The following RPUSD2 variants were observed in gnomAD, a reference collection of about 807,000 sequenced individuals.
RPUSD2 encodes the protein pseudouridylate synthase RPUSD2.
In RPUSD2, 31 loss-of-function variants were observed where a neutral mutation model predicts 41.5. The observed-to-expected ratio is 0.75, with a 90% CI of 0.56 to 1.01. RPUSD2 has a LOEUF of 1.01. RPUSD2 is among the 50% of genes least tolerant of loss of function. The probability of loss-of-function intolerance (pLI) is 0.00; values close to 1 mark genes in which losing one functional copy is unlikely to be tolerated. For synonymous variants in RPUSD2, 305 were observed against 289.7 expected (o/e 1.05, Z -0.54); for missense variants, 749 against 724.7 (o/e 1.03, Z -0.38).
chr15:40,574,355 A>C lies in RPUSD2; in HGVS notation c.*94A>C. 6.9e-7 allele frequency: 1 copy of C among 1,457,912 alleles called. No homozygotes were observed. The highest frequency in any genetic ancestry group is 9.2e-7 in the Non-Finnish European group (1 of 1,090,826). The allele number at this position is 1,457,912 out of a possible 1,614,324, so 90.3% of individuals were successfully genotyped here. A position where few individuals can be genotyped will look rare whatever the true frequency, so the allele number is the denominator to read the frequency against. ...CCATGGGCTAGTACTTGGGGTTTCT[A>C]TAGGAATGAGGACGGGCTTCTAAAG... On this transcript the variant is annotated 3_prime_UTR_variant, in exon 3 of 3. Coordinates refer to ENST00000315616, the MANE Select transcript of RPUSD2 (RefSeq NM_152260.3).
rs554986069 is a variant in RPUSD2, at chr15:40,570,996, AT to A, written c.607-594del. ...TAAAAAAATTTTACCTTGATTATTT[AT>A]TTTTTTTTTTTTTGAGACAGAGTCT... On this transcript the variant is annotated intron_variant, in intron 1 of 2. Coordinates refer to ENST00000315616, the MANE Select transcript of RPUSD2 (RefSeq NM_152260.3). Among the ~76,000 whole-genome samples the A allele has an allele frequency of 3.2e-3, 455 of 141,118 alleles. 1 individual carries two copies. Among genetic ancestry groups the A allele is most frequent in the Middle Eastern group, 3.7e-3 (1 of 272 alleles). The allele number at this position is 141,118 out of a possible 152,430, so 92.6% of individuals were successfully genotyped here. A position where few individuals can be genotyped will look rare whatever the true frequency, so the allele number is the denominator to read the frequency against.
In RPUSD2 at chr15:40,573,953, G is replaced by A. The variant is rs1399192167; in HGVS notation, c.1330G>A (p.Ala444Thr). The A allele has an allele frequency of 6.2e-7, 1 of 1,614,086 alleles. No individual in the cohort carries two copies. Residue 444 changes from alanine to threonine, a missense_variant, in exon 3 of 3, where the codon GCC (alanine) becomes ACC (threonine). Coordinates refer to ENST00000315616, the MANE Select transcript of RPUSD2 (RefSeq NM_152260.3). The part of the protein sequence containing the change: ...DLSPGLTDST[A>T]PSSELGKDDL... ...GTCCCCAGGACTCACAGACTCTACG[G>A]CCCCCTCCTCAGAGTTGGGCAAGGA...
chr15:40,569,415 G>A lies in RPUSD2; in HGVS notation c.78G>A (p.Arg26=). 1 of 1,550,422 alleles carries A rather than the reference G, an allele frequency of 6.4e-7. No individual in the cohort carries two copies. Among genetic ancestry groups the A allele is most frequent in the Non-Finnish European group, 8.7e-7 (1 of 1,154,386 alleles). Residue 26 remains arginine (R), a synonymous_variant, in exon 1 of 3, where the codon AGG becomes AGA. Coordinates refer to ENST00000315616, the MANE Select transcript of RPUSD2 (RefSeq NM_152260.3). ...RYDLRRPSFT[R]TWSGDKGPMA... ...ACCTTAGGCGCCCTAGCTTTACCAG[G>A]ACTTGGAGTGGCGATAAGGGCCCAA... is the stretch of plus-strand genomic sequence containing the variant.
intron 2 of RPUSD2, among the ~76,000 whole-genome samples, 180 bp downstream of exon 2, chr15:40,572,080 A>G (rs1047343818): frequency 1.3e-5 from 2 of 152,184 alleles, no homozygotes; most frequent in African/African-American, 4.8e-5. Flanking sequence ...ATATGTTTCC[A>G]AAAAAATCTT....
chr15:40,571,207 G>A (rs1891130809), intron 1 of RPUSD2, among the ~76,000 whole-genome samples: 1 of 152,074 alleles, frequency 6.6e-6, no homozygotes, highest in Non-Finnish European at 1.5e-5. Flanking sequence ...AGCCAGGATG[G>A]TCTTGATCTC....
At position 40,573,793 on chromosome 15, in the gene RPUSD2, C is replaced by T. The variant is rs192185271; in HGVS notation, c.1170C>T (p.Asn390=). 3.9e-5 allele frequency: 63 copies of T among 1,614,246 alleles called. No individual in the cohort carries two copies. The Admixed American group carries it at 6.5e-4, about 17-fold the overall frequency. Residue 390 remains asparagine (N), a synonymous_variant, in exon 3 of 3, where the codon AAC becomes AAT. Coordinates refer to ENST00000315616, the MANE Select transcript of RPUSD2 (RefSeq NM_152260.3). The part of the protein sequence containing the change: ...GHPILNDPIY[N]SVAWGPSRGR... ...CCATTCTCAACGACCCCATCTACAA[C>T]TCAGTTGCCTGGGGTCCTTCTCGAG...
In RPUSD2 at chr15:40,569,649, C is replaced by CGCAACCAGGGAGCGTGTCGT. The variant is rs1891092043; in HGVS notation, c.315_334dup (p.Pro112GlnfsTer17). On this transcript the variant is annotated frameshift_variant, in exon 1 of 3. Transcript: ENST00000315616. LOFTEE classifies it high-confidence loss of function. ...CGGGCAAGCATAAGAAGCGGCGGGG[C>CGCAACCAGGGAGCGTGTCGT]GCAACCAGGGAGCGTGTCGTGCCGC... The CGCAACCAGGGAGCGTGTCGT allele has an allele frequency of 6.5e-7, 1 of 1,538,504 alleles. No homozygotes were observed.
At chr15:40,570,241 C>T (rs1367144687) in intron 1 of RPUSD2, among the ~76,000 whole-genome samples, 4 of 152,298 alleles carry the variant, frequency 2.6e-5, no homozygotes, top group Middle Eastern at 3.4e-3. Flanking sequence ...CGTCTTGTGG[C>T]AAGGGCACTG....
chr15:40,569,623 C>G lies in RPUSD2; in HGVS notation c.286C>G (p.Pro96Ala), dbSNP rs759095014. The G allele has an allele frequency of 6.5e-7, 1 of 1,538,904 alleles. No individual in the cohort carries two copies. The highest frequency in any genetic ancestry group is 1.4e-5 in the African/African-American group (1 of 73,634). Residue 96 changes from proline (P) to alanine (A), a missense_variant, in exon 1 of 3, where the codon CCG (proline) becomes GCG (alanine). By Grantham distance (27) the Pro-to-Ala change is conservative (BLOSUM62 -1). Coordinates refer to ENST00000315616, the MANE Select transcript of RPUSD2 (RefSeq NM_152260.3). ...GEHPSAAAPG[P>A]GKHKKRRGAT... ...GCATCCCTCGGCTGCAGCCCCAGGC[C>G]CGGGCAAGCATAAGAAGCGGCGGGG...
intron 2 of RPUSD2, among the ~76,000 whole-genome samples, chr15:40,572,514 C>T (rs1166156286): frequency 6.6e-6 from 1 of 150,598 alleles, no homozygotes; most frequent in Non-Finnish European, 1.5e-5. Flanking sequence ...TGCAGTGAGC[C>T]GAATCGCGCC....
intron 1 of RPUSD2, among the ~76,000 whole-genome samples, chr15:40,571,056 G>A (rs968518281): frequency 4.0e-5 from 6 of 151,508 alleles, no homozygotes; most frequent in Non-Finnish European, 5.9e-5. Context: ...GTAGTGGCGC[G>A]ATCTCGGCTC....
intron 1 of RPUSD2, among the ~76,000 whole-genome samples, chr15:40,570,625 T>C (rs1891115992): frequency 6.6e-6 from 1 of 152,238 alleles, no homozygotes; most frequent in Admixed American, 6.5e-5. Flanking sequence ...ACTGTTTACC[T>C]CTCAGTAACA....
intron 1 of RPUSD2, among the ~76,000 whole-genome samples, chr15:40,570,537 A>G (rs1342312655): frequency 6.6e-6 from 1 of 152,184 alleles, no homozygotes; most frequent in African/African-American, 2.4e-5. Context: ...AGAGACTAGA[A>G]TTGTTTAGCC....
rs751928558 is a variant in RPUSD2 at position 40,571,819 on chromosome 15, C to T, written c.822C>T (p.Asp274=). The T allele has an allele frequency of 1.2e-6, 2 of 1,614,254 alleles. No individual in the cohort carries two copies. Among genetic ancestry groups the T allele is most frequent in the East Asian group, 4.5e-5 (2 of 44,894 alleles). The change falls in exon 2 of 3, where the codon GAC becomes GAT. Residue 274 remains aspartate (D), a synonymous_variant. Coordinates refer to ENST00000315616, the MANE Select transcript of RPUSD2 (RefSeq NM_152260.3). The part of the protein sequence containing the change: ...LKELHPLHRL[D]RLTSGVLMFA... ...AGCTACACCCCTTGCATCGGCTTGACCGCCTTACCTCAGGGGTGCTTATGT... is the reference window on the plus strand; with the variant it reads ...AGCTACACCCCTTGCATCGGCTTGATCGCCTTACCTCAGGGGTGCTTATGT...
chr15:40,572,412 A>G (rs1041040535), intron 2 of RPUSD2, among the ~76,000 whole-genome samples: 1 of 151,992 alleles, frequency 6.6e-6, no homozygotes, highest in Admixed American at 6.6e-5. Flanking sequence ...AAAAAATACA[A>G]AAAATTAGCT....
At chr15:40,570,887 G>C (rs947480106) in intron 1 of RPUSD2, among the ~76,000 whole-genome samples, 3 of 152,118 alleles carry the variant, frequency 2.0e-5, no homozygotes, top group Admixed American at 6.6e-5. Flanking sequence ...TCCTGGTCTA[G>C]AGCCCATATC....
chr15:40,571,619 C>A lies in RPUSD2; in HGVS notation c.622C>A (p.Arg208=). Residue 208 remains arginine, a synonymous_variant, in exon 2 of 3, where the codon CGG becomes AGG. Transcript: ENST00000315616. ...NIVLKDNDFL[R]NTVHRHEPPV... ...TCTTTGACAGGACAATGATTTCTTG[C>A]GGAACACAGTGCACAGGCATGAGCC... 1 of 1,614,052 alleles carries A rather than the reference C, an allele frequency of 6.2e-7. No individual in the cohort carries two copies. The highest frequency in any genetic ancestry group is 8.5e-7 in the Non-Finnish European group (1 of 1,179,936).
At chr15:40,570,994 T>TA (rs202146098) in intron 1 of RPUSD2, among the ~76,000 whole-genome samples, 3 of 148,012 alleles carry the variant, frequency 2.0e-5, no homozygotes, top group African/African-American at 8.0e-5. Flanking sequence ...CCTTGATTAT[T>TA]TATTTTTTTT....
rs770915258 is a variant in RPUSD2 at position 40,574,131 on chromosome 15, G to A, written c.1508G>A (p.Arg503Gln). The A allele has an allele frequency of 9.9e-6, 16 of 1,613,994 alleles. No individual in the cohort carries two copies. The highest frequency in any genetic ancestry group is 1.6e-4 in the Middle Eastern group (1 of 6,084). The change falls in exon 3 of 3, where the codon CGG (arginine) becomes CAG (glutamine). Residue 503 changes from arginine (R) to glutamine (Q), a missense_variant. Coordinates refer to ENST00000315616, the MANE Select transcript of RPUSD2 (RefSeq NM_152260.3). The stretch of plus-strand genomic sequence containing the variant: ...ACAGACCCACTCTGTGCAGAGTGCC[G>A]GCTGGTGCGACAGGATCCCTTGCCC... ...QETDPLCAEC[R>Q]LVRQDPLPQD...
Sources: allele counts gnomAD v4.1 joint callset (sites outside exome capture counted in the v4.1 genomes callset), GRCh38; gene constraint gnomAD v4.1.1; transcripts MANE v1.5; gene names NCBI Gene and HGNC (gene_info 2026-07-23, HGNC 2026-07-21).